The following KDM6A variants were observed in gnomAD, a reference collection of about 807,000 sequenced individuals.
KDM6A encodes the protein lysine-specific demethylase 6A.
A neutral mutation model predicts 117.6 loss-of-function variants in KDM6A; 11 were observed. That is an observed-to-expected ratio of 0.09 (90% CI 0.06 to 0.15). KDM6A has a LOEUF of 0.15. Ranked by LOEUF, KDM6A falls within the 10% of genes least tolerant of loss-of-function variation. The pLI is 1.00. For missense variants in KDM6A, 799 were observed against 1,077.3 expected, an observed-to-expected ratio of 0.74 and a Z score of 3.62; for synonymous variants, 384 against 396.1, an observed-to-expected ratio of 0.97 and a Z score of 0.36.
In KDM6A at chrX:45,010,017, T is replaced by A. The variant is rs73490935; in HGVS notation, c.385-944T>A. On this transcript the variant is annotated intron_variant, in intron 4 of 29. Coordinates refer to ENST00000611820, the MANE Select transcript of KDM6A (RefSeq NM_001291415.2). The stretch of plus-strand genomic sequence containing the variant: ...TTGAAGTTTTAGAAATCAGAGACAT[T>A]TGTAATTTGAAGCTTATAATTTCGA... Among the ~76,000 whole-genome samples the A allele has an allele frequency of 7.6e-3, 849 of 112,329 alleles. 13 individuals carry two copies. The highest frequency in any genetic ancestry group is 0.026 in the African/African-American group (813 of 30,965).
intron 4 of KDM6A, among the ~76,000 whole-genome samples, chrX:45,003,394 CTTTTTTTTTTT>C (rs397896934): frequency 5.3e-5 from 4 of 75,524 alleles, no homozygotes; most frequent in East Asian, 4.6e-4. Flanking sequence ...AATTATCCTT[CTTTTTTTTTTT>C]TTTTTTTTTT....
At chrX:44,892,989 T>A (rs1270174351) in intron 2 of KDM6A, among the ~76,000 whole-genome samples, 9 of 71,538 alleles carry the variant, frequency 1.3e-4, no homozygotes, top group Non-Finnish European at 2.3e-4. Flanking sequence ...GGTGACAGAG[T>A]GAGACTCCAT....
At chrX:44,915,676 TAGG>T (rs1742612622) in intron 2 of KDM6A, among the ~76,000 whole-genome samples, 1 of 111,369 alleles carries the variant, frequency 9.0e-6, no homozygotes, top group South Asian at 3.8e-4. Context: ...CTGTCCTGCC[TAGG>T]AGGTGAATTA....
At chrX:44,922,820 T>C (rs2036050628) in intron 2 of KDM6A, among the ~76,000 whole-genome samples, 1 of 113,031 alleles carries the variant, frequency 8.8e-6, no homozygotes, top group Admixed American at 9.3e-5. Flanking sequence ...AAATGTATTT[T>C]ATATACTATT....
intron 4 of KDM6A, among the ~76,000 whole-genome samples, chrX:44,977,928 A>AT (rs1196050454): frequency 1.8e-5 from 2 of 112,092 alleles, no homozygotes; most frequent in East Asian, 5.6e-4. Flanking sequence ...TTATGTAGCT[A>AT]TATAACATGT....
chrX:45,044,339 ATT>A (rs955780897), intron 8 of KDM6A, among the ~76,000 whole-genome samples: 2 of 112,037 alleles, frequency 1.8e-5, no homozygotes, highest in African/African-American at 6.5e-5. Context: ...TAGTGAAATA[ATT>A]TGAGCAGTTC....
intron 2 of KDM6A, among the ~76,000 whole-genome samples, chrX:44,958,294 T>A (rs1409742095): frequency 1.8e-5 from 2 of 108,946 alleles, no homozygotes; most frequent in Non-Finnish European, 3.8e-5. Flanking sequence ...GCAATTCTCT[T>A]GCCCCAGCCT....
At chrX:44,975,776 G>C (rs1016471750) in intron 4 of KDM6A, among the ~76,000 whole-genome samples, 1 of 111,957 alleles carries the variant, frequency 8.9e-6, no homozygotes, top group Admixed American at 9.5e-5. Flanking sequence ...GAGAATCACT[G>C]ATCCACCCAG....
In KDM6A at chrX:44,874,321, A is replaced by G. The variant is rs376873383; in HGVS notation, c.225+334A>G. Among the ~76,000 whole-genome samples, 135 of 111,206 alleles carry G rather than the reference A, an allele frequency of 1.2e-3. 4 individuals are homozygous for G. In the South Asian group the frequency reaches 0.05, roughly 41 times the overall value. On this transcript the variant is annotated intron_variant, in intron 2 of 29. Coordinates refer to ENST00000611820, the MANE Select transcript of KDM6A (RefSeq NM_001291415.2). ...GCCTGTTTAGGGTCAAGGGATCGTG[A>G]GTGTGTTCAGATTTTCCCAAATTTC...
At chrX:44,893,877 C>CT (rs1298402710) in intron 2 of KDM6A, among the ~76,000 whole-genome samples, 1 of 111,256 alleles carries the variant, frequency 9.0e-6, no homozygotes, top group East Asian at 2.8e-4. Flanking sequence ...TTGTTAAATG[C>CT]TTTTTTCTGG....
intron 10 of KDM6A, among the ~76,000 whole-genome samples, chrX:45,058,086 CCT>C (rs202013067): frequency 4.0e-5 from 3 of 75,565 alleles, no homozygotes; most frequent in Non-Finnish European, 2.5e-5. Context: ...CCCCCCCCCC[CCT>C]TTTTTTTTTT....
rs780669005 is a variant in KDM6A at position 44,897,438 on chromosome X, C to T, written c.225+23451C>T. Among the ~76,000 whole-genome samples, 6 of 110,793 alleles carry T rather than the reference C, an allele frequency of 5.4e-5. No homozygotes were observed. In the East Asian group the frequency reaches 1.4e-3, roughly 26 times the overall value. On this transcript the variant is annotated intron_variant, in intron 2 of 29. Coordinates refer to ENST00000611820, the MANE Select transcript of KDM6A (RefSeq NM_001291415.2). ...CAGGTAATTAAAAAATCTGATTTAC[C>T]TCAGTATTGTGTCTGTTGATTGTTT...
intron 2 of KDM6A, among the ~76,000 whole-genome samples, chrX:44,921,036 A>G (rs765441722): frequency 1.9e-5 from 2 of 107,879 alleles, no homozygotes; most frequent in Non-Finnish European, 3.8e-5. Context: ...CACCATGCTC[A>G]GCTAATTTTT....
intron 4 of KDM6A, among the ~76,000 whole-genome samples, chrX:44,985,101 G>T (rs1223780571): frequency 2.7e-5 from 3 of 110,102 alleles, no homozygotes; most frequent in Non-Finnish European, 5.7e-5. Flanking sequence ...GCAGTGGTTT[G>T]TAGTTCTCCT....
At chrX:44,880,277 C>G (rs1334390943) in intron 2 of KDM6A, among the ~76,000 whole-genome samples, 1 of 109,123 alleles carries the variant, frequency 9.2e-6, no homozygotes, top group East Asian at 2.8e-4. Context: ...TAATATTTAC[C>G]TTGTTATGAG....
chrX:44,911,646 A>G (rs941446986), intron 2 of KDM6A, among the ~76,000 whole-genome samples: 4 of 112,167 alleles, frequency 3.6e-5, no homozygotes, highest in Non-Finnish European at 5.6e-5. Flanking sequence ...AGAGGCTGCA[A>G]TCTCGGCACT....
chrX:45,060,214 C>G, intron 13 of KDM6A, 58 bp downstream of exon 13: 4 of 1,202,631 alleles, frequency 3.3e-6, no homozygotes, highest in Non-Finnish European at 4.5e-6. Context: ...TTTCAATTCT[C>G]TAGTGGTCAA....
chrX:44,958,604 C>CTT (rs34006049), intron 2 of KDM6A, among the ~76,000 whole-genome samples: 916 of 56,412 alleles, frequency 0.016, 111 homozygotes, highest in African/African-American at 0.055. Flanking sequence ...CTATATAGAC[C>CTT]TTTTTTTTTT....
chrX:45,070,473 A>G (rs2044770461), intron 18 of KDM6A, 116 bp downstream of exon 18: 1 of 652,528 alleles, frequency 1.5e-6, no homozygotes, highest in African/African-American at 2.2e-5. Flanking sequence ...GTAGTCATTC[A>G]TCTAAGAGTT....
Sources: gnomAD v4.1 joint callset for allele counts (sites outside exome capture counted in the v4.1 genomes callset) on GRCh38, gnomAD v4.1.1 for gene constraint, MANE v1.5 for transcripts, NCBI Gene and HGNC (gene_info 2026-07-23, HGNC 2026-07-21) for gene names.